Variants in CAMTA1 observed in about 807,000 individuals in gnomAD.
CAMTA1 encodes the protein calmodulin binding transcription activator 1.
CAMTA1 carries 27 observed loss-of-function variants against 170.9 expected under a neutral mutation model. That is an observed-to-expected ratio of 0.16 (90% CI 0.12 to 0.22). CAMTA1 has a LOEUF of 0.22. Among genes scored for constraint, CAMTA1 ranks in the 10% least tolerant of loss-of-function variants. The probability of loss-of-function intolerance (pLI) is 1.00; values close to 1 mark genes in which losing one functional copy is unlikely to be tolerated. For synonymous variants in CAMTA1, 833 were observed against 891.5 expected, an observed-to-expected ratio of 0.93 and a Z score of 1.17; for missense variants, 1,619 against 2,217.2, an observed-to-expected ratio of 0.73 and a Z score of 5.42.
chr1:7,276,235 C>A (rs1670570651), intron 5 of CAMTA1, among the ~76,000 whole-genome samples: 2 of 125,714 alleles, frequency 1.6e-5, no homozygotes, highest in African/African-American at 6.7e-5. Context: ...GAGAGAATTT[C>A]CTCAATCCAA....
chr1:7,408,430 G>A (rs559349653), intron 5 of CAMTA1, among the ~76,000 whole-genome samples: 12 of 152,162 alleles, frequency 7.9e-5, no homozygotes, highest in Non-Finnish European at 1.2e-4. Context: ...CCCATGCCTC[G>A]CCTCGCTCCT....
intron 3 of CAMTA1, among the ~76,000 whole-genome samples, chr1:6,826,036 T>C (rs1376143179): frequency 6.6e-6 from 1 of 152,206 alleles, no homozygotes; most frequent in Admixed American, 6.5e-5. Flanking sequence ...GATGTCCAAG[T>C]TAAAGCAAAT....
At chr1:7,676,948 G>C (rs2096126920) in intron 10 of CAMTA1, among the ~76,000 whole-genome samples, 1 of 152,176 alleles carries the variant, frequency 6.6e-6, no homozygotes, top group African/African-American at 2.4e-5. Flanking sequence ...GGCCACAGCA[G>C]TTAACGAGAC....
chr1:6,833,641 A>T (rs901255396), intron 3 of CAMTA1, among the ~76,000 whole-genome samples: 6 of 152,220 alleles, frequency 3.9e-5, no homozygotes, highest in African/African-American at 1.4e-4. Flanking sequence ...TAAGTCTGTC[A>T]TTAAGCCTTG....
At chr1:6,846,805 A>C (rs1658345266) in intron 3 of CAMTA1, among the ~76,000 whole-genome samples, 1 of 152,222 alleles carries the variant, frequency 6.6e-6, no homozygotes, top group East Asian at 1.9e-4. Flanking sequence ...AGTTTGGTCA[A>C]GGAGACACTC....
intron 1 of CAMTA1, among the ~76,000 whole-genome samples, chr1:6,797,505 C>T (rs1388074562): frequency 6.6e-6 from 1 of 151,914 alleles, no homozygotes; most frequent in Non-Finnish European, 1.5e-5. Flanking sequence ...CCCACCTCAG[C>T]CTCCTGAGTA....
intron 3 of CAMTA1, among the ~76,000 whole-genome samples, chr1:7,081,090 T>C (rs1326827629): frequency 6.6e-6 from 1 of 152,214 alleles, no homozygotes; most frequent in Non-Finnish European, 1.5e-5. Context: ...AAGTGGCTCA[T>C]TGTCACTTGC....
chr1:6,876,259 T>C (rs1383437925), intron 3 of CAMTA1, among the ~76,000 whole-genome samples: 4 of 152,182 alleles, frequency 2.6e-5, no homozygotes, highest in African/African-American at 9.7e-5. Flanking sequence ...ATCTGGCGTA[T>C]GTTTACAATG....
At chr1:7,013,006 T>C (rs1382728071) in intron 3 of CAMTA1, among the ~76,000 whole-genome samples, 1 of 151,654 alleles carries the variant, frequency 6.6e-6, no homozygotes, top group East Asian at 2.0e-4. Context: ...CCTGCTAGTG[T>C]CTTGGGCCAA....
chr1:7,144,160 C>T lies in CAMTA1; in HGVS notation c.302+52789C>T, dbSNP rs1646045561. Among the ~76,000 whole-genome samples the T allele has an allele frequency of 6.6e-6, 1 of 152,112 alleles. No individual in the cohort carries two copies. Among genetic ancestry groups the T allele is most frequent in the African/African-American group, 2.4e-5 (1 of 41,418 alleles). ...GTCTGAGATCAGGGTGCCAGCATGG[C>T]CAGGTTCTGGTGAGGGCTCTCTTTC... On this transcript the variant is annotated intron_variant, in intron 4 of 22. Transcript: ENST00000303635. The surrounding 1 kb of genome is among the most constrained non-coding windows in gnomAD (Gnocchi z 4.0).
rs182510197 is a variant in CAMTA1 at position 7,461,804 on chromosome 1, G to A, written c.439-6026G>A. Among the ~76,000 whole-genome samples, 88 of 152,326 alleles carry A rather than the reference G, an allele frequency of 5.8e-4. 1 individual carries two copies. In the East Asian group the frequency reaches 0.016, roughly 28 times the overall value. ...CTAGGGTCATTTTGTTCCTCCAGGG[G>A]AAAAGGGCCATGCATGCTCATACTC... On this transcript the variant is annotated intron_variant, in intron 5 of 22. Coordinates refer to ENST00000303635, the MANE Select transcript of CAMTA1 (RefSeq NM_015215.4).
intron 11 of CAMTA1, among the ~76,000 whole-genome samples, chr1:7,697,285 CTATTTAAG>C (rs761610427): frequency 1.4e-4 from 21 of 151,786 alleles, no homozygotes; most frequent in Non-Finnish European, 2.2e-4. Context: ...CCTGGGCTAT[CTATTTAAG>C]TTTATTATCC....
At chr1:7,271,662 T>C (rs903421542) in intron 5 of CAMTA1, among the ~76,000 whole-genome samples, 4 of 150,902 alleles carry the variant, frequency 2.7e-5, no homozygotes, top group African/African-American at 9.8e-5. Context: ...GATCAGTAGA[T>C]AGATAATATG....
intron 3 of CAMTA1, among the ~76,000 whole-genome samples, chr1:6,985,621 T>C (rs1450542130): frequency 1.3e-5 from 2 of 152,228 alleles, no homozygotes; most frequent in African/African-American, 4.8e-5. Context: ...TCAAAGTTAA[T>C]AGCACGAAAA....
intron 5 of CAMTA1, among the ~76,000 whole-genome samples, chr1:7,371,448 T>G (rs1339023253): frequency 6.6e-6 from 1 of 151,568 alleles, no homozygotes; most frequent in Non-Finnish European, 1.5e-5. Flanking sequence ...TTAGTAGAGA[T>G]GGGGTTTCAT....
intron 6 of CAMTA1, among the ~76,000 whole-genome samples, chr1:7,486,118 G>C (rs2093613867): frequency 6.6e-6 from 1 of 152,222 alleles, no homozygotes; most frequent in Admixed American, 6.5e-5. Flanking sequence ...ACATGCAACT[G>C]CTCCTCAATT....
intron 5 of CAMTA1, among the ~76,000 whole-genome samples, chr1:7,385,448 A>G (rs2087842792): frequency 6.6e-6 from 1 of 152,222 alleles, no homozygotes; most frequent in South Asian, 2.1e-4. Context: ...TGCTGTTTGA[A>G]TAGCGTCTCT....
intron 3 of CAMTA1, among the ~76,000 whole-genome samples, chr1:7,001,597 C>T (rs1006380056): frequency 6.6e-6 from 1 of 152,140 alleles, no homozygotes; most frequent in African/African-American, 2.4e-5. Context: ...CCAGTGTGGT[C>T]TCCCTAGGAT....
intron 4 of CAMTA1, among the ~76,000 whole-genome samples, chr1:7,147,999 T>C (rs1360224045): frequency 6.8e-6 from 1 of 146,868 alleles, no homozygotes; most frequent in African/African-American, 2.6e-5. Context: ...ATATGCACCA[T>C]GTACACACTC....
Sources: gnomAD v4.1 joint callset for allele counts (sites outside exome capture counted in the v4.1 genomes callset) on GRCh38, gnomAD v4.1.1 for gene constraint, Gnocchi (gnomAD v3.1) non-coding constraint, MANE v1.5 for transcripts, NCBI Gene and HGNC (gene_info 2026-07-23, HGNC 2026-07-21) for gene names.